Variants in RPH3A observed in about 807,000 individuals in gnomAD.
RPH3A encodes rabphilin-3A.
In RPH3A, 48 loss-of-function variants were observed where a neutral mutation model predicts 102.2. That is an observed-to-expected ratio of 0.47 (90% CI 0.37 to 0.60). The LOEUF is 0.60. Among genes scored for constraint, RPH3A ranks in the 20% least tolerant of loss-of-function variants. RPH3A has a pLI of 0.00. For synonymous variants in RPH3A, 310 were observed against 324.3 expected (o/e 0.96, Z 0.47); for missense variants, 781 against 910.1 (o/e 0.86, Z 1.83).
At chr12:112,770,615 G>A (rs2040921209) in intron 1 of RPH3A, among the ~76,000 whole-genome samples, 1 of 152,152 alleles carries the variant, frequency 6.6e-6, no homozygotes, top group Non-Finnish European at 1.5e-5. Context: ...AAGTGTTGCA[G>A]TTGCTAGGCT....
Position 112,887,739 on chromosome 12 carries a change from C to T in RPH3A, c.1437-58C>T, listed in dbSNP as rs989476335. The stretch of plus-strand genomic sequence containing the variant: ...AGTATCAGCTGCAACTCTTGGCACA[C>T]AGTGGTGTCTTAATATTTGTTCCTG... On this transcript the variant is annotated intron_variant, in intron 16 of 21. Coordinates refer to ENST00000389385, the MANE Select transcript of RPH3A (RefSeq NM_001143854.2). 4.4e-6 allele frequency: 7 copies of T among 1,574,970 alleles called. No homozygotes were observed. The Admixed American group carries it at 5.2e-5, about 12-fold the overall frequency.
intron 4 of RPH3A, among the ~76,000 whole-genome samples, chr12:112,844,189 A>G (rs1240582605): frequency 1.3e-5 from 2 of 152,214 alleles, no homozygotes; most frequent in Middle Eastern, 3.4e-3. Context: ...CTTCTAGCCT[A>G]CAGAATACAG....
At chr12:112,845,399 G>T (rs1593073675) in intron 4 of RPH3A, among the ~76,000 whole-genome samples, 1 of 152,254 alleles carries the variant, frequency 6.6e-6, no homozygotes, top group East Asian at 1.9e-4. Flanking sequence ...TACTTAAGGG[G>T]CCCTCTTCAA....
chr12:112,769,389 C>T (rs1296592738), intron 1 of RPH3A, among the ~76,000 whole-genome samples: 1 of 152,198 alleles, frequency 6.6e-6, no homozygotes, highest in African/African-American at 2.4e-5. Flanking sequence ...AATAACAAGA[C>T]CAGAACCCGC....
At chr12:112,630,937 G>C (rs537039163) in intron 1 of RPH3A, among the ~76,000 whole-genome samples, 33 of 152,290 alleles carry the variant, frequency 2.2e-4, no homozygotes, top group Non-Finnish European at 3.7e-4. Context: ...GGCTAACCCT[G>C]ACACTCAGCT....
chr12:112,672,489 A>G (rs926366756), intron 1 of RPH3A, among the ~76,000 whole-genome samples: 1 of 152,202 alleles, frequency 6.6e-6, no homozygotes, highest in East Asian at 1.9e-4. Context: ...TCTCTGAGCT[A>G]TGTCATTTCA....
intron 1 of RPH3A, among the ~76,000 whole-genome samples, chr12:112,760,760 A>G (rs1428149189): frequency 1.3e-5 from 2 of 152,228 alleles, no homozygotes; most frequent in African/African-American, 4.8e-5. Context: ...TGGCAAATCC[A>G]TGGCATGGGG....
intron 1 of RPH3A, among the ~76,000 whole-genome samples, chr12:112,700,563 C>A (rs1018303440): frequency 6.6e-6 from 1 of 152,158 alleles, no homozygotes; most frequent in Non-Finnish European, 1.5e-5. Context: ...TGCCCCTATC[C>A]CTCTATGGGA....
At chr12:112,651,490 G>A (rs185501589) in intron 1 of RPH3A, among the ~76,000 whole-genome samples, 33 of 152,264 alleles carry the variant, frequency 2.2e-4, no homozygotes, top group South Asian at 1.0e-3. Flanking sequence ...ATCTTGGTAC[G>A]TTTGCTTGTG....
chr12:112,792,629 C>T (rs1042127164), intron 2 of RPH3A, among the ~76,000 whole-genome samples: 1 of 152,186 alleles, frequency 6.6e-6, no homozygotes, highest in Non-Finnish European at 1.5e-5. Context: ...TGGAGGGACT[C>T]TGGGTACTCT....
intron 1 of RPH3A, among the ~76,000 whole-genome samples, chr12:112,745,131 G>A (rs969936020): frequency 6.6e-6 from 1 of 152,110 alleles, no homozygotes; most frequent in Non-Finnish European, 1.5e-5. Context: ...CATCTTTGAC[G>A]CTTCCAGGCC....
At chr12:112,759,598 G>A (rs1187575283) in intron 1 of RPH3A, among the ~76,000 whole-genome samples, 1 of 152,166 alleles carries the variant, frequency 6.6e-6, no homozygotes, top group Non-Finnish European at 1.5e-5. Context: ...CCTGACCCTG[G>A]TCCACCTTGT....
intron 1 of RPH3A, among the ~76,000 whole-genome samples, chr12:112,607,195 T>C (rs923699812): frequency 6.6e-6 from 1 of 152,192 alleles, no homozygotes; most frequent in Non-Finnish European, 1.5e-5. Flanking sequence ...GCTACTTTCA[T>C]TTGTAAAATG....
In RPH3A at chr12:112,713,011, C is replaced by T. The variant is rs149017329; in HGVS notation, c.-139-79132C>T. Among the ~76,000 whole-genome samples, 230 of 66,362 alleles carry T rather than the reference C, an allele frequency of 3.5e-3. 7 individuals are homozygous for T. The highest frequency in any genetic ancestry group is 5.7e-3 in the South Asian group (8 of 1,404). The allele number at this position is 66,362 out of a possible 152,430, so 43.5% of individuals were successfully genotyped here. ...CGTCTTTGTCTTCCTCTTCCTCTTCCTCTTCCTCTTCCTCTTCTTCTTCTT... is the reference window on the plus strand; with the variant it reads ...CGTCTTTGTCTTCCTCTTCCTCTTCTTCTTCCTCTTCCTCTTCTTCTTCTT... On this transcript the variant is annotated intron_variant, in intron 1 of 21. Coordinates refer to the RPH3A transcript ENST00000543106.
At chr12:112,879,304 A>G in intron 14 of RPH3A, 106 bp downstream of exon 14, 1 of 968,804 alleles carries the variant, frequency 1.0e-6, no homozygotes, top group Non-Finnish European at 1.6e-6. Context: ...TTGCTTGTCT[A>G]TCGATGATAG....
rs76731504 is a variant in RPH3A, at chr12:112,674,321, G to A, written c.-140+99002G>A. On this transcript the variant is annotated intron_variant, in intron 1 of 21. Transcript: ENST00000543106. ...AAATGAAGGCTCAGAGACTCAGAGC[G>A]GCAAGAGGCTGCCTAACGACTGAGG... Among the ~76,000 whole-genome samples the A allele has an allele frequency of 3.7e-3, 567 of 152,212 alleles. 20 individuals are homozygous for A. In the East Asian group the frequency reaches 0.099, roughly 26 times the overall value.
At chr12:112,705,736 T>G (rs1010145880) in intron 1 of RPH3A, among the ~76,000 whole-genome samples, 5 of 152,254 alleles carry the variant, frequency 3.3e-5, no homozygotes, top group Non-Finnish European at 7.3e-5. Flanking sequence ...TAAACTTTTT[T>G]TAATTGAAAT....
At chr12:112,855,800 A>T (rs576005436) in intron 5 of RPH3A, among the ~76,000 whole-genome samples, 14 of 152,302 alleles carry the variant, frequency 9.2e-5, no homozygotes, top group Admixed American at 9.2e-4. Flanking sequence ...TAAACTCAAC[A>T]GTAATATCCC....
At chr12:112,713,788 G>A (rs2040496676) in intron 1 of RPH3A, among the ~76,000 whole-genome samples, 1 of 152,214 alleles carries the variant, frequency 6.6e-6, no homozygotes, top group South Asian at 2.1e-4. Flanking sequence ...TGTAAGTGAG[G>A]TCTGAGCTAA....
Sources: allele counts gnomAD v4.1 joint callset (sites outside exome capture counted in the v4.1 genomes callset), GRCh38; gene constraint gnomAD v4.1.1; transcripts MANE v1.5; gene names NCBI Gene and HGNC (gene_info 2026-07-23, HGNC 2026-07-21).